KCNJ15: variants seen among roughly 807,000 people sequenced by gnomAD.
KCNJ15 encodes potassium inwardly rectifying channel subfamily J member 15.
Under a neutral mutation model 23.0 loss-of-function variants are expected in KCNJ15, and 14 were observed. The observed-to-expected ratio is 0.61, with a 90% CI of 0.40 to 0.95. The LOEUF (loss-of-function observed/expected upper bound fraction) is 0.95, where lower values mean the gene tolerates loss of function less well. Among genes scored for constraint, KCNJ15 ranks in the 40% least tolerant of loss-of-function variants. The pLI is 0.00. For missense variants in KCNJ15, 388 were observed against 461.8 expected (o/e 0.84, Z 1.46); for synonymous variants, 185 against 183.2 (o/e 1.01, Z -0.08).
At chr21:38,288,021 T>TTTTTA (rs1984105877) in intron 1 of KCNJ15, among the ~76,000 whole-genome samples, 1 of 112,524 alleles carries the variant, frequency 8.9e-6, no homozygotes, top group Non-Finnish European at 1.9e-5. Flanking sequence ...ATAACTTGTT[T>TTTTTA]TTTTCTTTGT....
chr21:38,273,204 A>C (rs1259915831), intron 1 of KCNJ15, among the ~76,000 whole-genome samples: 3 of 152,240 alleles, frequency 2.0e-5, no homozygotes, highest in African/African-American at 7.2e-5. Context: ...TTGCAATATG[A>C]AACAACAGTA....
chr21:38,246,391 C>T (rs1249348803), intron 1 of KCNJ15, among the ~76,000 whole-genome samples: 3 of 152,156 alleles, frequency 2.0e-5, no homozygotes, highest in Non-Finnish European at 4.4e-5. Flanking sequence ...TGAAGATTAA[C>T]TTTTGGAAGA....
chr21:38,231,473 A>G (rs1231038813), intron 1 of KCNJ15, among the ~76,000 whole-genome samples: 1 of 151,888 alleles, frequency 6.6e-6, no homozygotes, highest in Non-Finnish European at 1.5e-5. Flanking sequence ...CCTCCAATAT[A>G]TTGTTAAATA....
At chr21:38,261,288 G>A (rs1980867098) in intron 1 of KCNJ15, among the ~76,000 whole-genome samples, 1 of 152,146 alleles carries the variant, frequency 6.6e-6, no homozygotes, top group Non-Finnish European at 1.5e-5. Context: ...TTTCTTTAGA[G>A]AAAACAAATG....
intron 1 of KCNJ15, among the ~76,000 whole-genome samples, chr21:38,249,723 A>G (rs940099355): frequency 6.6e-6 from 1 of 152,232 alleles, no homozygotes; most frequent in African/African-American, 2.4e-5. Flanking sequence ...TCTTCAGGTC[A>G]GACAGTCAAG....
intron 1 of KCNJ15, among the ~76,000 whole-genome samples, chr21:38,267,708 A>G (rs1327899165): frequency 1.3e-5 from 2 of 152,224 alleles, no homozygotes; most frequent in Non-Finnish European, 2.9e-5. Flanking sequence ...TTCAGATGAA[A>G]AGCCTGAGAG....
intron 1 of KCNJ15, among the ~76,000 whole-genome samples, chr21:38,290,875 G>A (rs907182660): frequency 3.3e-5 from 5 of 151,902 alleles, no homozygotes; most frequent in African/African-American, 1.2e-4. Flanking sequence ...CTTGTTACTG[G>A]CTCAGTAACC....
At position 38,264,642 on chromosome 21, in the gene KCNJ15, G is replaced by A. The variant is rs535163716; in HGVS notation, c.-117+7457G>A. Among the ~76,000 whole-genome samples the A allele has an allele frequency of 2.6e-5, 4 of 152,280 alleles. No homozygotes were observed. In the East Asian group the frequency reaches 5.8e-4, roughly 22 times the overall value. On this transcript the variant is annotated intron_variant, in intron 1 of 2. Coordinates refer to ENST00000398938, the MANE Select transcript of KCNJ15 (RefSeq NM_170736.3). ...CTTACATCTACCTCATCCTGCAAAC[G>A]CACAGCAGAGACCTTTTTATCTGAA... is the stretch of plus-strand genomic sequence containing the variant.
chr21:38,263,466 T>C (rs1337604423), intron 1 of KCNJ15, among the ~76,000 whole-genome samples: 1 of 152,194 alleles, frequency 6.6e-6, no homozygotes, highest in African/African-American at 2.4e-5. Context: ...TTTAGGCCCC[T>C]CTTGAATCTT....
Position 38,301,756 on chromosome 21 carries a change from T to A in KCNJ15, c.*1367T>A, listed in dbSNP as rs1985795309. 6.0e-6 allele frequency: 1 copy of A among 167,064 alleles called. No homozygotes were observed. Among genetic ancestry groups the A allele is most frequent in the Non-Finnish European group, 1.5e-5 (1 of 68,102 alleles). The allele number at this position is 167,064 out of a possible 1,614,324, so 10.3% of individuals were successfully genotyped here. A position where few individuals can be genotyped will look rare whatever the true frequency, so the allele number is the denominator to read the frequency against. On this transcript the variant is annotated 3_prime_UTR_variant, in exon 3 of 3. Coordinates refer to ENST00000398938, the MANE Select transcript of KCNJ15 (RefSeq NM_170736.3). ...GGTAACATTTTGCCCCGGGCCAAATTCAGGGGTCTAGTGCCCTGCATTCCT... is the reference window on the plus strand; with the variant it reads ...GGTAACATTTTGCCCCGGGCCAAATACAGGGGTCTAGTGCCCTGCATTCCT...
At chr21:38,263,436 G>T (rs996450793) in intron 1 of KCNJ15, among the ~76,000 whole-genome samples, 1 of 152,140 alleles carries the variant, frequency 6.6e-6, no homozygotes, top group African/African-American at 2.4e-5. Flanking sequence ...ACTCAAATAG[G>T]TTCAGAAAAC....
intron 1 of KCNJ15, among the ~76,000 whole-genome samples, chr21:38,269,991 T>C (rs1981911330): frequency 6.6e-6 from 1 of 152,174 alleles, no homozygotes; most frequent in Non-Finnish European, 1.5e-5. Flanking sequence ...CCCCCCGCCC[T>C]GTTCAATTGC....
chr21:38,282,270 C>T lies in KCNJ15; in HGVS notation c.-116-14656C>T, dbSNP rs1028400438. Among the ~76,000 whole-genome samples, 2 of 152,124 alleles carry T rather than the reference C, an allele frequency of 1.3e-5. 1 individual carries two copies. The highest frequency in any genetic ancestry group is 1.3e-4 in the Admixed American group (2 of 15,270). ...CTGCTTGGGTTACTGGTGTACCCCA[C>T]ATTGGAGACATCTGGTGTAAAGAAG... On this transcript the variant is annotated intron_variant, in intron 1 of 2. Transcript: ENST00000398938.
At position 38,232,629 on chromosome 21, in the gene KCNJ15, ATTTTAGTTTGGTGTG is replaced by A. The variant is rs528844166; in HGVS notation, c.-398-24412_-398-24398del. Among the ~76,000 whole-genome samples the A allele has an allele frequency of 1.1e-4, 16 of 151,904 alleles. No homozygotes were observed. The South Asian group carries it at 3.3e-3, about 32-fold the overall frequency. On this transcript the variant is annotated intron_variant, in intron 1 of 4. Transcript: ENST00000547341. Reference sequence around the variant, plus strand: ...ACATTGCTTTAACTGCATCCAATTCATTTTAGTTTGGTGTGTTTTTGTTTTAATTTATCTCAAAGG... The same window carrying A: ...ACATTGCTTTAACTGCATCCAATTCATTTTTGTTTTAATTTATCTCAAAGG...
At position 38,299,598 on chromosome 21, in the gene KCNJ15, T is replaced by C. The variant is rs776637435; in HGVS notation, c.337T>C (p.Ser113Pro). Residue 113 changes from serine to proline, a missense_variant, in exon 3 of 3, where the codon TCT (serine) becomes CCT (proline). Transcript: ENST00000398938. This position sits in a 1 kb window ranked among gnomAD's most constrained non-coding sequence, Gnocchi z 4.5. ...NHTPCIMKVD[S>P]LTGAFLFSLE... Reference sequence around the variant, plus strand: ...TACCCCCTGCATCATGAAAGTGGACTCTCTCACTGGGGCGTTTCTCTTTTC... The same window carrying C: ...TACCCCCTGCATCATGAAAGTGGACCCTCTCACTGGGGCGTTTCTCTTTTC... 1.2e-6 allele frequency: 2 copies of C among 1,614,142 alleles called. No homozygotes were observed. The highest frequency in any genetic ancestry group is 1.7e-6 in the Non-Finnish European group (2 of 1,180,020).
Position 38,306,803 on chromosome 21 carries a change from C to T in KCNJ15, c.*6414C>T. 6.6e-6 allele frequency: 1 copy of T among 152,132 alleles called. No individual in the cohort carries two copies. Among genetic ancestry groups the T allele is most frequent in the Middle Eastern group, 3.2e-3 (1 of 316 alleles). 9.4% of individuals were successfully genotyped at this position (152,132 alleles called of 1,614,324 possible). On this transcript the variant is annotated 3_prime_UTR_variant, in exon 3 of 3. Coordinates refer to ENST00000398938, the MANE Select transcript of KCNJ15 (RefSeq NM_170736.3). ...GTTACAAAAATAAGGCTTTTGTAAA[C>T]AGAATCTCCATTCCAGAAGGACGGA...
intron 1 of KCNJ15, among the ~76,000 whole-genome samples, chr21:38,274,618 A>G (rs572151172): frequency 6.6e-6 from 1 of 152,184 alleles, no homozygotes; most frequent in East Asian, 1.9e-4. Context: ...TTTCCTTCCT[A>G]TCTTAGGGAA....
chr21:38,271,929 G>C (rs952207723), intron 1 of KCNJ15, among the ~76,000 whole-genome samples: 1 of 152,170 alleles, frequency 6.6e-6, no homozygotes, highest in African/African-American at 2.4e-5. Context: ...ACCGTTAGAG[G>C]CTGCTTTAAA....
chr21:38,258,129 A>T (rs182250633), intron 1 of KCNJ15, among the ~76,000 whole-genome samples: 1 of 152,004 alleles, frequency 6.6e-6, no homozygotes, highest in Admixed American at 6.6e-5. Context: ...CAACCTCAAG[A>T]TCACAAGCAC....
Sources: gnomAD v4.1 joint callset for allele counts (sites outside exome capture counted in the v4.1 genomes callset) on GRCh38, gnomAD v4.1.1 for gene constraint, Gnocchi (gnomAD v3.1) non-coding constraint, MANE v1.5 for transcripts, NCBI Gene and HGNC (gene_info 2026-07-23, HGNC 2026-07-21) for gene names.